Variants in PCDHA8 observed in about 807,000 individuals in gnomAD.
PCDHA8 encodes protocadherin alpha-8.
Under a neutral mutation model 61.8 loss-of-function variants are expected in PCDHA8, and 53 were observed. The ratio of observed to expected loss-of-function variants is 0.86; its 90% CI spans 0.69 to 1.08. The LOEUF is 1.08. Ranked by LOEUF, PCDHA8 falls within the 50% of genes least tolerant of loss-of-function variation. PCDHA8 has a pLI of 0.00. For missense variants in PCDHA8, 1,293 were observed against 1,245.0 expected (o/e 1.04, Z -0.58); for synonymous variants, 618 against 556.6 (o/e 1.11, Z -1.55).
chr5:140,878,784 C>T (rs2057723762), intron 1 of PCDHA8, among the ~76,000 whole-genome samples: 1 of 152,156 alleles, frequency 6.6e-6, no homozygotes, highest in Non-Finnish European at 1.5e-5. Flanking sequence ...AGTATATGTT[C>T]AATCACTTTT....
rs2044015236 is a variant in PCDHA8, at chr5:140,856,467, C to T, written c.2394+12752C>T. On this transcript the variant is annotated intron_variant, in intron 1 of 3. Coordinates refer to ENST00000531613, the MANE Select transcript of PCDHA8 (RefSeq NM_018911.3). ...TTCTCCGTAACAGAACAAAAGCTCTCAATACCTGAATCCAGACTGCTTGAC... is the reference window on the plus strand; with the variant it reads ...TTCTCCGTAACAGAACAAAAGCTCTTAATACCTGAATCCAGACTGCTTGAC... 5 of 1,598,208 alleles carry T rather than the reference C, an allele frequency of 3.1e-6. 1 individual carries two copies. Among genetic ancestry groups the T allele is most frequent in the Non-Finnish European group, 4.3e-6 (5 of 1,167,910 alleles).
At chr5:141,005,470 G>A (rs1563690887) in intron 3 of PCDHA8, among the ~76,000 whole-genome samples, 1 of 151,836 alleles carries the variant, frequency 6.6e-6, no homozygotes, top group South Asian at 2.1e-4. Context: ...TTGGGAGGCC[G>A]AGACGGGCGG....
chr5:140,912,227 C>T (rs1422799663), intron 1 of PCDHA8, among the ~76,000 whole-genome samples: 1 of 151,784 alleles, frequency 6.6e-6, no homozygotes, highest in Non-Finnish European at 1.5e-5. Flanking sequence ...TTTCCCAGTC[C>T]ACTGACTCAA....
At chr5:140,927,269 C>T in intron 1 of PCDHA8, 1 of 1,614,142 alleles carries the variant, frequency 6.2e-7, no homozygotes, top group Non-Finnish European at 8.5e-7. Context: ...CTCTTTCCTG[C>T]CGGCGACGTG....
At position 140,929,224 on chromosome 5, in the gene PCDHA8, G is replaced by A. The variant is rs138816649; in HGVS notation, c.2395-49725G>A. 8.1e-6 allele frequency: 13 copies of A among 1,613,792 alleles called. No individual in the cohort carries two copies. In the African/African-American group the frequency reaches 1.5e-4, roughly 18 times the overall value. ...GCTGTTGCGTGGGGAGTACAATGCT[G>A]CCGACCTGCGAAATCTTGCCACTGG... On this transcript the variant is annotated intron_variant, in intron 1 of 3. Transcript: ENST00000531613.
chr5:140,875,173 A>G (rs567403390), intron 1 of PCDHA8: 75 of 394,970 alleles, frequency 1.9e-4, no homozygotes, highest in Non-Finnish European at 2.9e-4. Context: ...AAGTCGAAAC[A>G]TTAGAATTAA....
Position 140,843,081 on chromosome 5 carries a change from C to G in PCDHA8, c.1760C>G (p.Ala587Gly), listed in dbSNP as rs2150352051. 5.6e-6 allele frequency: 9 copies of G among 1,595,424 alleles called. No homozygotes were observed. The African/African-American group carries it at 8.1e-5, about 14-fold the overall frequency. ...ASKLVPRSVGAGHVVAKVRAV... is the reference protein window; with the variant it reads ...ASKLVPRSVGGGHVVAKVRAV... ...AAGCTGGTGCCGCGGTCTGTGGGCG[C>G]GGGCCACGTGGTAGCGAAGGTGCGC... The change falls in exon 1 of 4, where the codon GCG becomes GGG. Residue 587 changes from alanine (A) to glycine (G), a missense_variant. Coordinates refer to ENST00000531613, the MANE Select transcript of PCDHA8 (RefSeq NM_018911.3).
In PCDHA8 at chr5:140,982,645, G is replaced by A. The variant is rs2096993238; in HGVS notation, c.2542+82G>A. 3.3e-6 allele frequency: 5 copies of A among 1,522,444 alleles called. No homozygotes were observed. In the East Asian group the frequency reaches 1.2e-4, roughly 36 times the overall value. 94.3% of individuals were successfully genotyped at this position (1,522,444 alleles called of 1,614,324 possible). A position where few individuals can be genotyped will look rare whatever the true frequency, so the allele number is the denominator to read the frequency against. On this transcript the variant is annotated intron_variant, in intron 3 of 3. Transcript: ENST00000531613. ...CTACTTTTGTAAGATCAGGAATGTT[G>A]ATGGCTCTTTTTCTTTTATATTTTT...
intron 1 of PCDHA8, chr5:140,858,225 C>T (rs2045276704): frequency 6.3e-7 from 1 of 1,596,714 alleles, no homozygotes; most frequent in South Asian, 1.1e-5. Context: ...GCGGCGCCCA[C>T]CGAGGGCGCA....
intron 1 of PCDHA8, among the ~76,000 whole-genome samples, chr5:140,871,878 C>T (rs1390055446): frequency 6.6e-6 from 1 of 152,222 alleles, no homozygotes; most frequent in Non-Finnish European, 1.5e-5. Context: ...TTTAAATTTG[C>T]TCCTCTTTGT....
chr5:140,964,586 C>T (rs2095842092), intron 1 of PCDHA8, among the ~76,000 whole-genome samples: 1 of 152,078 alleles, frequency 6.6e-6, no homozygotes, highest in Non-Finnish European at 1.5e-5. Flanking sequence ...GAGGAAAGAT[C>T]ACTTTTCATG....
intron 1 of PCDHA8, among the ~76,000 whole-genome samples, chr5:140,951,153 G>T (rs1585399827): frequency 3.4e-5 from 1 of 29,832 alleles, no homozygotes; most frequent in Admixed American, 3.1e-4. Context: ...ATTGAATATA[G>T]TTATAGTAGC....
chr5:140,871,582 GT>G, intron 1 of PCDHA8: 2 of 1,468,826 alleles, frequency 1.4e-6, no homozygotes, highest in Non-Finnish European at 1.8e-6. Flanking sequence ...TTAAGGGAAA[GT>G]TTTATGAATA....
chr5:141,003,425 C>A (rs1344914063), intron 3 of PCDHA8, among the ~76,000 whole-genome samples: 1 of 152,138 alleles, frequency 6.6e-6, no homozygotes, highest in Non-Finnish European at 1.5e-5. Context: ...GATTCTTATG[C>A]CTCAGCCTCC....
chr5:140,875,889 G>C, intron 1 of PCDHA8: 1 of 1,614,174 alleles, frequency 6.2e-7, no homozygotes, highest in South Asian at 1.1e-5. Context: ...GGGAACAAAA[G>C]GTACCTGTTT....
intron 1 of PCDHA8, chr5:140,853,078 AC>A (rs1285082508): frequency 6.7e-6 from 2 of 297,432 alleles, no homozygotes; most frequent in African/African-American, 4.6e-5. Context: ...ATGGGGTTTC[AC>A]CGTGTTAGTC....
At chr5:140,884,435 T>C (rs1554181555) in intron 1 of PCDHA8, 1 of 1,613,872 alleles carries the variant, frequency 6.2e-7, no homozygotes, top group East Asian at 2.2e-5. Flanking sequence ...TGCGCTGCGG[T>C]GCTCGGCACC....
chr5:140,858,585 T>C, intron 1 of PCDHA8: 1 of 1,345,266 alleles, frequency 7.4e-7, no homozygotes, highest in Non-Finnish European at 1.0e-6. Context: ...GTAATATAAT[T>C]TATTCCAGGA....
intron 1 of PCDHA8, among the ~76,000 whole-genome samples, chr5:140,962,255 A>G (rs991096495): frequency 2.0e-5 from 3 of 152,204 alleles, no homozygotes; most frequent in African/African-American, 7.2e-5. Flanking sequence ...TCAATGAAAA[A>G]TAATTTTATA....
Sources: allele counts gnomAD v4.1 joint callset (sites outside exome capture counted in the v4.1 genomes callset), GRCh38; gene constraint gnomAD v4.1.1; transcripts MANE v1.5; gene names NCBI Gene and HGNC (gene_info 2026-07-23, HGNC 2026-07-21).